Variants in TACC2 observed in about 807,000 individuals in gnomAD.
TACC2 encodes transforming acidic coiled-coil containing protein 2.
In TACC2, 137 loss-of-function variants were observed where a neutral mutation model predicts 227.3. The ratio of observed to expected loss-of-function variants is 0.60; its 90% confidence interval spans 0.52 to 0.69. The LOEUF is 0.69. TACC2 is among the 30% of genes least tolerant of loss of function. The pLI is 0.00. For missense variants in TACC2, 3,470 were observed against 3,694.4 expected (o/e 0.94, Z 1.57); for synonymous variants, 1,523 against 1,487.5 (o/e 1.02, Z -0.55).
At chr10:122,088,810 G>A in intron 5 of TACC2, 1 of 1,446,088 alleles carries the variant, frequency 6.9e-7, no homozygotes, top group Non-Finnish European at 9.2e-7. Context: ...TTTCATACTT[G>A]AGTTTATTAC....
intron 16 of TACC2, among the ~76,000 whole-genome samples, chr10:122,237,183 TTGTC>T (rs2095873442): frequency 6.6e-6 from 1 of 152,140 alleles, no homozygotes; most frequent in South Asian, 2.1e-4. Context: ...ATTAGCCCCT[TTGTC>T]TGCCTGCCCA....
At chr10:122,078,563 C>T (rs2079099770) in intron 3 of TACC2, among the ~76,000 whole-genome samples, 1 of 152,220 alleles carries the variant, frequency 6.6e-6, no homozygotes, top group East Asian at 1.9e-4. Context: ...CTGACCTCCA[C>T]ACAGAGGCAG....
At chr10:122,093,097 CTT>C (rs59323311) in intron 5 of TACC2, among the ~76,000 whole-genome samples, 2,675 of 146,228 alleles carry the variant, frequency 0.018, 27 homozygotes, top group Middle Eastern at 0.028. Flanking sequence ...TTGTCTCTCT[CTT>C]TTTTTTTTTT....
At chr10:122,088,680 A>G in intron 5 of TACC2, 89 bp downstream of exon 5, 1 of 1,554,586 alleles carries the variant, frequency 6.4e-7, no homozygotes, top group Non-Finnish European at 8.7e-7. Context: ...AGTAGTCCTT[A>G]TACAGCATGA....
At chr10:122,135,726 AC>A (rs1304065563) in intron 6 of TACC2, among the ~76,000 whole-genome samples, 1 of 152,196 alleles carries the variant, frequency 6.6e-6, no homozygotes, top group Non-Finnish European at 1.5e-5. Context: ...CAGAGTTGAT[AC>A]TTGTGGTCCT....
At chr10:122,243,245 G>A (rs1347791370) in intron 19 of TACC2, among the ~76,000 whole-genome samples, 2 of 152,140 alleles carry the variant, frequency 1.3e-5, no homozygotes, top group Admixed American at 6.5e-5. Flanking sequence ...CACCTGGCCC[G>A]ATAACCAGTT....
At chr10:122,251,113 T>C (rs561473883) in intron 22 of TACC2, among the ~76,000 whole-genome samples, 108 of 151,828 alleles carry the variant, frequency 7.1e-4, no homozygotes, top group Non-Finnish European at 1.1e-3. Context: ...TTCGTAGAGA[T>C]GGGGTCTCAC....
At chr10:122,001,421 G>C (rs926119250) in intron 1 of TACC2, among the ~76,000 whole-genome samples, 3 of 152,108 alleles carry the variant, frequency 2.0e-5, no homozygotes, top group African/African-American at 7.2e-5. Context: ...GCTATCACAA[G>C]AGCACCATGG....
Position 121,990,054 on chromosome 10 carries a change from T to G in TACC2, c.-46+566T>G, listed in dbSNP as rs556675097. The stretch of plus-strand genomic sequence containing the variant: ...CAGACCTTTAATATTTTTTCATATT[T>G]TAAATATTTCTTTAATTCTGTTTTT... On this transcript the variant is annotated intron_variant, in intron 1 of 22. Transcript: ENST00000369005. 4.0e-4 allele frequency among the ~76,000 whole-genome samples: 61 copies of G among 152,338 alleles called. 1 individual carries two copies. In the South Asian group the frequency reaches 0.013, roughly 32 times the overall value.
At chr10:122,156,735 T>C (rs187466529) in intron 7 of TACC2, among the ~76,000 whole-genome samples, 3 of 152,206 alleles carry the variant, frequency 2.0e-5, no homozygotes, top group Non-Finnish European at 4.4e-5. Context: ...CTCCATGACA[T>C]CCTCCTCCTT....
intron 7 of TACC2, among the ~76,000 whole-genome samples, chr10:122,163,062 TG>T (rs1455279242): frequency 1.3e-5 from 2 of 152,122 alleles, no homozygotes; most frequent in Non-Finnish European, 2.9e-5. Context: ...CAAAGGTCCT[TG>T]GAGGCTAGCC....
chr10:122,036,531 G>T (rs1233039403), intron 2 of TACC2, among the ~76,000 whole-genome samples: 1 of 140,514 alleles, frequency 7.1e-6, no homozygotes, highest in Non-Finnish European at 1.5e-5. Context: ...ACAGAGTCTC[G>T]CTCTGTTACC....
At chr10:122,021,126 A>C (rs976152351) in intron 1 of TACC2, among the ~76,000 whole-genome samples, 2 of 151,672 alleles carry the variant, frequency 1.3e-5, no homozygotes, top group Non-Finnish European at 2.9e-5. Context: ...GCTACTCAGG[A>C]GGCTGAGGCA....
chr10:122,165,374 A>G (rs780753240), intron 7 of TACC2, among the ~76,000 whole-genome samples: 13 of 152,236 alleles, frequency 8.5e-5, no homozygotes, highest in Non-Finnish European at 1.6e-4. Flanking sequence ...TGAAGAGCTT[A>G]GGAAACAGAA....
intron 5 of TACC2, among the ~76,000 whole-genome samples, chr10:122,111,108 G>T (rs1003182909): frequency 1.1e-4 from 16 of 152,154 alleles, no homozygotes; most frequent in Non-Finnish European, 2.1e-4. Context: ...GGACCTTCAT[G>T]ATGACATTGG....
intron 3 of TACC2, among the ~76,000 whole-genome samples, chr10:122,055,215 G>A (rs553921777): frequency 1.3e-4 from 20 of 149,806 alleles, no homozygotes; most frequent in African/African-American, 3.2e-4. Context: ...GCAAGACGCC[G>A]TCTCCCAAAA....
chr10:122,096,216 C>T (rs73370150), intron 5 of TACC2, among the ~76,000 whole-genome samples: 14,598 of 152,152 alleles, frequency 0.096, 1,102 homozygotes, highest in East Asian at 0.28. Context: ...TTCCTGCACC[C>T]AAGGAGGCCT....
chr10:122,187,326 T>C (rs1003772322), intron 7 of TACC2, among the ~76,000 whole-genome samples: 7 of 152,264 alleles, frequency 4.6e-5, no homozygotes, highest in Admixed American at 4.6e-4. Flanking sequence ...TCGCCCTTTC[T>C]TCGGTACACT....
intron 2 of TACC2, among the ~76,000 whole-genome samples, chr10:122,029,624 A>C (rs996637198): frequency 1.3e-5 from 2 of 152,196 alleles, no homozygotes; most frequent in Non-Finnish European, 2.9e-5. Flanking sequence ...TCTATGGGCC[A>C]AACGAATGTG....
Sources: gnomAD v4.1 joint callset for allele counts (sites outside exome capture counted in the v4.1 genomes callset) on GRCh38, gnomAD v4.1.1 for gene constraint, MANE v1.5 for transcripts, NCBI Gene and HGNC (gene_info 2026-07-23, HGNC 2026-07-21) for gene names.